OPA3: variants seen among roughly 807,000 people sequenced by gnomAD.
The protein encoded by OPA3 is outer mitochondrial membrane lipid metabolism regulator OPA3.
A neutral mutation model predicts 4.0 loss-of-function variants in OPA3; 6 were observed. The ratio of observed to expected loss-of-function variants is 1.51; its 90% CI spans 0.83 to 2.99. The LOEUF (loss-of-function observed/expected upper bound fraction) is 2.99. Ranked by LOEUF, OPA3 falls within the 30% of genes most tolerant of loss-of-function variation. OPA3 has a pLI of 0.00. For missense variants in OPA3, 235 were observed against 256.2 expected (o/e 0.92, Z 0.56); for synonymous variants, 105 against 117.1 (o/e 0.90, Z 0.67).
At chr19:45,541,537 C>T (rs1006554855), downstream of OPA3, among the ~76,000 whole-genome samples, 1 of 152,012 alleles carries the variant, frequency 6.6e-6, no homozygotes, top group Non-Finnish European at 1.5e-5. Context: ...GAGACCTGGT[C>T]TCTACTAAAA....
At chr19:45,570,853 ACT>A (rs904036837) in intron 1 of OPA3, among the ~76,000 whole-genome samples, 37 of 144,210 alleles carry the variant, frequency 2.6e-4, no homozygotes, top group African/African-American at 9.2e-4. Flanking sequence ...ACAGAGTGAG[ACT>A]CTGTCTCAAA....
At chr19:45,555,987 C>A (rs538804833) in intron 1 of OPA3, among the ~76,000 whole-genome samples, 1 of 151,784 alleles carries the variant, frequency 6.6e-6, no homozygotes, top group Non-Finnish European at 1.5e-5. Context: ...TTATTGTATG[C>A]GAACTGCAAT....
intron 1 of OPA3, among the ~76,000 whole-genome samples, chr19:45,563,979 T>TGTGCCTGACCAAAA (rs1477985434): frequency 6.6e-6 from 1 of 151,972 alleles, no homozygotes; most frequent in Non-Finnish European, 1.5e-5. Flanking sequence ...TGTGCACCAC[T>TGTGCCTGACCAAAA]GTGCCTGACC....
chr19:45,584,309 G>C, intron 1 of OPA3: 5 of 983,402 alleles, frequency 5.1e-6, no homozygotes, highest in Non-Finnish European at 6.0e-6. Context: ...CTCTATCCTG[G>C]AAAGCCCCGT....
intron 1 of OPA3, among the ~76,000 whole-genome samples, chr19:45,537,962 T>C (rs1308160254): frequency 2.0e-5 from 3 of 151,960 alleles, no homozygotes; most frequent in Non-Finnish European, 4.4e-5. Context: ...GGTGTGGTGG[T>C]GTGTGCCTGT....
chr19:45,535,491 G>C (rs1969105757), intron 1 of OPA3, among the ~76,000 whole-genome samples: 2 of 150,622 alleles, frequency 1.3e-5, no homozygotes, highest in African/African-American at 4.9e-5. Flanking sequence ...CTGAGTAGCT[G>C]GGACTGCAGG....
intron 1 of OPA3, among the ~76,000 whole-genome samples, chr19:45,567,123 T>G (rs1305785041): frequency 6.6e-6 from 1 of 152,072 alleles, no homozygotes; most frequent in African/African-American, 2.4e-5. Flanking sequence ...GAGGATCACC[T>G]GGGCCCATGA....
chr19:45,570,297 G>C (rs1255679701), intron 1 of OPA3, among the ~76,000 whole-genome samples: 1 of 152,220 alleles, frequency 6.6e-6, no homozygotes, highest in Non-Finnish European at 1.5e-5. Flanking sequence ...AAAAGGAGCA[G>C]CGAGATTAAA....
At chr19:45,563,125 G>A (rs1398499958) in intron 1 of OPA3, among the ~76,000 whole-genome samples, 1 of 151,998 alleles carries the variant, frequency 6.6e-6, no homozygotes, top group African/African-American at 2.4e-5. Context: ...GGCCTTGCTG[G>A]GCTCCTTAAT....
At chr19:45,531,396 AC>A (rs1159216235) in intron 1 of OPA3, among the ~76,000 whole-genome samples, 1 of 152,058 alleles carries the variant, frequency 6.6e-6, no homozygotes, top group African/African-American at 2.4e-5. Flanking sequence ...TAACTATGTG[AC>A]CCACAAAAAT....
At chr19:45,583,092 C>T (rs1444024687) in intron 1 of OPA3, among the ~76,000 whole-genome samples, 1 of 152,030 alleles carries the variant, frequency 6.6e-6, no homozygotes, top group African/African-American at 2.4e-5. Flanking sequence ...CAGTGGTTCT[C>T]TGACCCAGCC....
intron 1 of OPA3, among the ~76,000 whole-genome samples, chr19:45,536,915 C>T (rs745880379): frequency 6.6e-6 from 1 of 151,726 alleles, no homozygotes; most frequent in Admixed American, 6.6e-5. Flanking sequence ...ATATGATAGA[C>T]ACAAAAATAA....
intron 1 of OPA3, among the ~76,000 whole-genome samples, chr19:45,583,489 T>C (rs1969886171): frequency 6.6e-6 from 1 of 151,130 alleles, no homozygotes; most frequent in Non-Finnish European, 1.5e-5. Context: ...TTTGGGTGTT[T>C]ACTAAGCCCT....
At chr19:45,538,336 G>A (rs894909134) in intron 1 of OPA3, among the ~76,000 whole-genome samples, 32 of 152,038 alleles carry the variant, frequency 2.1e-4, no homozygotes, top group African/African-American at 7.5e-4. Context: ...GGGGAGGATT[G>A]CTTGAGCCTG....
intron 1 of OPA3, among the ~76,000 whole-genome samples, chr19:45,535,582 C>T (rs577525663): frequency 1.8e-4 from 28 of 151,982 alleles, no homozygotes; most frequent in African/African-American, 6.3e-4. Context: ...TGGTCTCGAA[C>T]TCCTGGGCTC....
rs1969263285 is a variant in OPA3 at position 45,547,287 on chromosome 19, G to A, written c.*6227C>T. 1 of 152,158 alleles carries A rather than the reference G, an allele frequency of 6.6e-6. No individual in the cohort carries two copies. Among genetic ancestry groups the A allele is most frequent in the Non-Finnish European group, 1.5e-5 (1 of 68,042 alleles). The allele number at this position is 152,158 out of a possible 1,614,324, so 9.4% of individuals were successfully genotyped here. On this transcript the variant is annotated 3_prime_UTR_variant, in exon 2 of 2. Transcript: ENST00000263275. ...TTCCAGGGGATGGTAAACTTTTTCT[G>A]TAAAGGGCCAGAGAGTACGAGAGCC...
chr19:45,566,863 C>T (rs537585036), intron 1 of OPA3, among the ~76,000 whole-genome samples: 1 of 152,144 alleles, frequency 6.6e-6, no homozygotes, highest in South Asian at 2.1e-4. Flanking sequence ...TTCATTTCTA[C>T]CAAGAGAAAT....
intron 1 of OPA3, among the ~76,000 whole-genome samples, chr19:45,537,412 A>C (rs1435613651): frequency 6.9e-6 from 1 of 145,842 alleles, no homozygotes; most frequent in African/African-American, 2.7e-5. Context: ...AAAAAAAAAA[A>C]AAAAAAAAAA....
At chr19:45,582,677 G>A (rs112471152) in intron 1 of OPA3, among the ~76,000 whole-genome samples, 6 of 151,944 alleles carry the variant, frequency 3.9e-5, no homozygotes, top group African/African-American at 1.2e-4. Flanking sequence ...CTGGGTTGGG[G>A]GGCCACAAGA....
Sources: allele counts gnomAD v4.1 joint callset (sites outside exome capture counted in the v4.1 genomes callset), GRCh38; gene constraint gnomAD v4.1.1; transcripts MANE v1.5; gene names NCBI Gene and HGNC (gene_info 2026-07-23, HGNC 2026-07-21).